N4BP1: variants seen among roughly 807,000 people sequenced by gnomAD.
N4BP1 encodes NEDD4 binding protein 1, also known as NEDD4-binding protein 1.
Under a neutral mutation model 70.9 loss-of-function variants are expected in N4BP1, and 21 were observed. That is an observed-to-expected ratio of 0.30 (90% CI 0.21 to 0.43). N4BP1 has a LOEUF of 0.43. Ranked by LOEUF, N4BP1 falls within the 20% of genes least tolerant of loss-of-function variation. The probability of loss-of-function intolerance (pLI) is 1.00; values close to 1 mark genes in which losing one functional copy is unlikely to be tolerated. For missense variants in N4BP1, 936 were observed against 1,069.4 expected (o/e 0.88, Z 1.74); for synonymous variants, 387 against 394.6 (o/e 0.98, Z 0.23).
chr16:48,578,146 A>G, intron 1 of N4BP1: 1 of 176,928 alleles, frequency 5.7e-6, no homozygotes, highest in Non-Finnish European at 1.2e-5. Context: ...ATGGGCAGGG[A>G]GAAGAGATGG....
At chr16:48,584,470 A>C (rs371523638) in intron 1 of N4BP1, among the ~76,000 whole-genome samples, 2 of 152,340 alleles carry the variant, frequency 1.3e-5, no homozygotes, top group South Asian at 4.1e-4. Context: ...ATTAGATTAT[A>C]AAGTTTCTCA....
Position 48,561,630 on chromosome 16 carries a change from A to G in N4BP1, c.1013T>C (p.Ile338Thr), listed in dbSNP as rs1963857764. Residue 338 changes from isoleucine to threonine, a missense_variant, in exon 2 of 7, where the codon ATA becomes ACA. Physicochemically the swap from Ile to Thr is moderately conservative, Grantham distance 89 (BLOSUM62 -1). Around this residue, in one of 4 missense-constraint regions of N4BP1, gnomAD observed 515 missense variants for 491.7 expected, o/e 1.05. Coordinates refer to ENST00000262384, the MANE Select transcript of N4BP1 (RefSeq NM_153029.4). ...SADSENLSPDIKETTEEMEYN... is the reference protein window; with the variant it reads ...SADSENLSPDTKETTEEMEYN... The stretch of plus-strand genomic sequence containing the variant: ...TTCCATTTCCTCAGTAGTTTCTTTT[A>G]TATCTGGACTTAAATTTTCAGAATC... 3 of 1,613,156 alleles carry G rather than the reference A, an allele frequency of 1.9e-6. No homozygotes were observed. The highest frequency in any genetic ancestry group is 1.7e-5 in the Admixed American group (1 of 59,868).
intron 1 of N4BP1, among the ~76,000 whole-genome samples, chr16:48,589,898 A>G (rs1964308132): frequency 6.6e-6 from 1 of 152,082 alleles, no homozygotes; most frequent in African/African-American, 2.4e-5. Flanking sequence ...TAACCTTGGG[A>G]AGGAATTCAG....
intron 1 of N4BP1, among the ~76,000 whole-genome samples, chr16:48,568,892 G>A (rs746636619): frequency 1.3e-5 from 2 of 152,216 alleles, no homozygotes; most frequent in Non-Finnish European, 2.9e-5. Flanking sequence ...TTCTGGTTGT[G>A]TTCCGTGAGC....
chr16:48,603,277 T>A (rs1429547900), intron 1 of N4BP1, among the ~76,000 whole-genome samples: 3 of 151,968 alleles, frequency 2.0e-5, no homozygotes, highest in Admixed American at 6.6e-5. Flanking sequence ...CACTGTAACG[T>A]CAATGTTTTA....
chr16:48,579,725 C>T (rs1964149835), intron 1 of N4BP1, among the ~76,000 whole-genome samples: 1 of 150,836 alleles, frequency 6.6e-6, no homozygotes, highest in South Asian at 2.1e-4. Flanking sequence ...AAGAGACTCA[C>T]TTCACCAGTA....
chr16:48,608,180 G>T (rs8051980), intron 1 of N4BP1, among the ~76,000 whole-genome samples: 4,401 of 152,050 alleles, frequency 0.029, 196 homozygotes, highest in African/African-American at 0.098. Flanking sequence ...GTTTTTTTCC[G>T]ATTCTCAAGA....
intron 1 of N4BP1, among the ~76,000 whole-genome samples, chr16:48,604,055 C>T (rs1387486318): frequency 1.3e-5 from 2 of 152,216 alleles, no homozygotes; most frequent in East Asian, 1.9e-4. Flanking sequence ...GCTCAAGTGA[C>T]ACTGTAAGTT....
At chr16:48,579,448 A>T (rs2151095200) in intron 1 of N4BP1, among the ~76,000 whole-genome samples, 1 of 152,340 alleles carries the variant, frequency 6.6e-6, no homozygotes, top group East Asian at 1.9e-4. Flanking sequence ...TTCTCTAGGA[A>T]ATACACCTTT....
chr16:48,545,404 T>C (rs1963575394), intron 6 of N4BP1, among the ~76,000 whole-genome samples: 1 of 117,532 alleles, frequency 8.5e-6, no homozygotes, highest in Admixed American at 8.4e-5. Flanking sequence ...ATCCCGTTTC[T>C]GCTAAAAAAA....
intron 6 of N4BP1, 152 bp downstream of exon 6, chr16:48,545,995 T>C: frequency 2.0e-6 from 1 of 504,896 alleles, no homozygotes; most frequent in Non-Finnish European, 3.4e-6. Context: ...GCCACTGCAT[T>C]CCAGCCTCGG....
intron 1 of N4BP1, chr16:48,577,707 C>T: frequency 5.0e-6 from 1 of 198,084 alleles, no homozygotes; most frequent in South Asian, 9.8e-5. Context: ...CAAAGTTGCC[C>T]AGGGTGGCAG....
chr16:48,582,630 T>A (rs1325942890), intron 1 of N4BP1, among the ~76,000 whole-genome samples: 2 of 152,236 alleles, frequency 1.3e-5, no homozygotes, highest in African/African-American at 4.8e-5. Flanking sequence ...TATTAGTAAT[T>A]GTCGTTAATC....
intron 1 of N4BP1, among the ~76,000 whole-genome samples, chr16:48,608,294 CG>C (rs1164766207): frequency 2.0e-5 from 3 of 152,148 alleles, no homozygotes; most frequent in African/African-American, 7.2e-5. Context: ...TGAGCCACCG[CG>C]CCCGGCCTAC....
chr16:48,590,084 C>A lies in N4BP1; in HGVS notation c.198+19691G>T, dbSNP rs542003157. Among the ~76,000 whole-genome samples the A allele has an allele frequency of 1.1e-3, 163 of 152,268 alleles. 1 individual carries two copies. Among genetic ancestry groups the A allele is most frequent in the African/African-American group, 3.8e-3 (158 of 41,552 alleles). On this transcript the variant is annotated intron_variant, in intron 1 of 6. Transcript: ENST00000262384. ...AGAGTCTGAACCTCCCCAAATTGCT[C>A]CTGGGGATAACATCACTATTGTAAA...
chr16:48,565,678 T>C (rs966007914), intron 1 of N4BP1, among the ~76,000 whole-genome samples: 20 of 152,246 alleles, frequency 1.3e-4, no homozygotes, highest in African/African-American at 3.9e-4. Context: ...CTTGCAGTTC[T>C]TGGAAGAGAC....
At chr16:48,559,967 T>C (rs1213801002) in intron 2 of N4BP1, among the ~76,000 whole-genome samples, 1 of 152,140 alleles carries the variant, frequency 6.6e-6, no homozygotes, top group Non-Finnish European at 1.5e-5. Context: ...TAAGGACAGG[T>C]CAGAAGGCAA....
chr16:48,601,996 G>A (rs1487416679), intron 1 of N4BP1, among the ~76,000 whole-genome samples: 3 of 152,222 alleles, frequency 2.0e-5, no homozygotes, highest in Admixed American at 6.5e-5. Context: ...GCCAAGGCAG[G>A]CAGATCACTC....
At chr16:48,546,908 A>G (rs1056755729) in intron 5 of N4BP1, among the ~76,000 whole-genome samples, 1 of 152,230 alleles carries the variant, frequency 6.6e-6, no homozygotes, top group African/African-American at 2.4e-5. Flanking sequence ...ATGAGTGTCA[A>G]TAAATACTGA....
Sources: gnomAD v4.1 joint callset for allele counts (sites outside exome capture counted in the v4.1 genomes callset) on GRCh38, gnomAD v4.1.1 for gene constraint, gnomAD v4.1.1 regional missense constraint, MANE v1.5 for transcripts, NCBI Gene and HGNC (gene_info 2026-07-23, HGNC 2026-07-21) for gene names.